The following SNX2 variants were observed in gnomAD, a reference collection of about 807,000 sequenced individuals.
SNX2 encodes the protein sorting nexin 2, also known as sorting nexin-2.
SNX2 carries 25 observed loss-of-function variants against 69.9 expected under a neutral mutation model. The ratio of observed to expected loss-of-function variants is 0.36; its 90% CI spans 0.26 to 0.50. The LOEUF (loss-of-function observed/expected upper bound fraction) is 0.50, where lower values mean the gene tolerates loss of function less well. Ranked by LOEUF, SNX2 falls within the 20% of genes least tolerant of loss-of-function variation. SNX2 has a pLI of 0.97. For missense variants in SNX2, 551 were observed against 613.3 expected (o/e 0.90, Z 1.07); for synonymous variants, 229 against 200.4 (o/e 1.14, Z -1.20).
intron 1 of SNX2, 162 bp downstream of exon 1, chr5:122,775,373 C>G: frequency 7.4e-7 from 1 of 1,348,280 alleles, no homozygotes. Flanking sequence ...GAGGGATGTG[C>G]TTGGGCTGAG....
At chr5:122,801,741 G>A in intron 3 of SNX2, 128 bp from the exon 4 acceptor site, 2 of 503,506 alleles carry the variant, frequency 4.0e-6, no homozygotes, top group Admixed American at 7.1e-5. Flanking sequence ...TTTCAAAAAT[G>A]AAGTGCTGGG....
At chr5:122,818,498 C>A (rs78129570) in intron 10 of SNX2, among the ~76,000 whole-genome samples, 2,266 of 152,152 alleles carry the variant, frequency 0.015, 22 homozygotes, top group Non-Finnish European at 0.019. Flanking sequence ...AAATATATTT[C>A]ATTTTTAGGA....
chr5:122,806,148 A>G (rs957695476), intron 6 of SNX2, among the ~76,000 whole-genome samples: 12 of 77,726 alleles, frequency 1.5e-4, no homozygotes, highest in East Asian at 8.2e-4. Flanking sequence ...GCGCGCACAC[A>G]CACACACACA....
chr5:122,777,187 C>T (rs1752875119), intron 1 of SNX2, among the ~76,000 whole-genome samples: 2 of 152,164 alleles, frequency 1.3e-5, no homozygotes, highest in South Asian at 2.1e-4. Context: ...CCACAGTATT[C>T]ATCTTTAAAA....
intron 1 of SNX2, among the ~76,000 whole-genome samples, chr5:122,777,923 A>G (rs1403278404): frequency 3.3e-5 from 5 of 152,248 alleles, no homozygotes; most frequent in African/African-American, 1.2e-4. Flanking sequence ...CTAGAACACT[A>G]GAATTTATTC....
At chr5:122,780,731 G>A (rs796368134) in intron 1 of SNX2, among the ~76,000 whole-genome samples, 34 of 151,840 alleles carry the variant, frequency 2.2e-4, no homozygotes, top group African/African-American at 7.0e-4. Flanking sequence ...CACCATGCCC[G>A]GCTAATTTTT....
At chr5:122,801,819 A>C in intron 3 of SNX2, 50 bp from the exon 4 acceptor site, 1 of 1,150,108 alleles carries the variant, frequency 8.7e-7, no homozygotes, top group Non-Finnish European at 1.3e-6. Context: ...TGTCATGACA[A>C]TAATTTAAAT....
At chr5:122,800,931 C>T (rs1753492629) in intron 3 of SNX2, among the ~76,000 whole-genome samples, 1 of 152,140 alleles carries the variant, frequency 6.6e-6, no homozygotes, top group Admixed American at 6.5e-5. Flanking sequence ...TTTTTAATGG[C>T]ATTTACAAGG....
rs1754245449 is a variant in SNX2, at chr5:122,829,848, C to G, written c.*200C>G. The G allele has an allele frequency of 5.1e-6, 3 of 584,506 alleles. No homozygotes were observed. Among genetic ancestry groups the G allele is most frequent in the East Asian group, 5.8e-5 (2 of 34,456 alleles). The allele number at this position is 584,506 out of a possible 1,614,324, so 36.2% of individuals were successfully genotyped here. On this transcript the variant is annotated 3_prime_UTR_variant, in exon 15 of 15. Transcript: ENST00000379516. ...ATTACAAGCTGCATGTCCTGACCCT[C>G]TTTGAATTAAGTGGACTGTGGCATG...
intron 6 of SNX2, among the ~76,000 whole-genome samples, chr5:122,806,142 G>GCGCGCGCGCACACACACACACACACACA: frequency 4.6e-5 from 6 of 130,656 alleles, no homozygotes; most frequent in Admixed American, 1.5e-4. Flanking sequence ...ACACGCGCGC[G>GCGCGCGCGCACACACACACACACACACA]CACACACACA....
intron 1 of SNX2, among the ~76,000 whole-genome samples, chr5:122,778,832 G>A (rs557595463): frequency 3.6e-4 from 54 of 152,074 alleles, no homozygotes; most frequent in African/African-American, 1.3e-3. Flanking sequence ...ATTAATAACA[G>A]CCACATAAAG....
In SNX2 at chr5:122,803,570, T is replaced by C. The variant is rs1261439861; in HGVS notation, c.600T>C (p.His200=). ...LHSKLASKYL[H]VGYIVPPAPE... ...GCAAATTAGCAAGCAAATATTTACA[T>C]GTTGGTTATATTGTGCCACCAGCTC... The change falls in exon 6 of 15, where the codon CAT becomes CAC. Residue 200 remains histidine, a synonymous_variant. Coordinates refer to ENST00000379516, the MANE Select transcript of SNX2 (RefSeq NM_003100.4). The C allele has an allele frequency of 3.1e-6, 5 of 1,611,842 alleles. No individual in the cohort carries two copies. Among genetic ancestry groups the C allele is most frequent in the South Asian group, 1.1e-5 (1 of 90,464 alleles).
chr5:122,826,558 T>A (rs1277510291), intron 12 of SNX2: 1 of 463,658 alleles, frequency 2.2e-6, no homozygotes, highest in African/African-American at 2.1e-5. Flanking sequence ...CCCCCATATA[T>A]ATGTATTATA....
At chr5:122,816,038 C>A in intron 8 of SNX2, 67 bp downstream of exon 8, 1 of 760,594 alleles carries the variant, frequency 1.3e-6, no homozygotes, top group Non-Finnish European at 2.1e-6. Flanking sequence ...ATGTATATGA[C>A]TATATATAGT....
chr5:122,810,297 C>T (rs925545215), intron 7 of SNX2, among the ~76,000 whole-genome samples: 8 of 149,060 alleles, frequency 5.4e-5, no homozygotes, highest in Admixed American at 2.7e-4. Context: ...CTAGGAAAAC[C>T]AGAGACCTTT....
At position 122,818,944 on chromosome 5, in the gene SNX2, A is replaced by G; in HGVS notation, c.1133A>G (p.His378Arg). The change falls in exon 11 of 15, where the codon CAT becomes CGT. Residue 378 changes from histidine to arginine, a missense_variant. Coordinates refer to ENST00000379516, the MANE Select transcript of SNX2 (RefSeq NM_003100.4). ...AEVEEKIDQL[H>R]QEQAFADFYM... ...GTTGAGGAGAAGATAGACCAGTTAC[A>G]TCAAGAACAAGCTTTTGCTGACTTT... 1 of 1,614,002 alleles carries G rather than the reference A, an allele frequency of 6.2e-7. No homozygotes were observed. The highest frequency in any genetic ancestry group is 1.1e-5 in the South Asian group (1 of 91,072).
At chr5:122,815,344 G>A (rs2150013854) in intron 7 of SNX2, among the ~76,000 whole-genome samples, 1 of 152,270 alleles carries the variant, frequency 6.6e-6, no homozygotes, top group South Asian at 2.1e-4. Flanking sequence ...GAAGAGGTAT[G>A]GGGAAAATAC....
intron 1 of SNX2, among the ~76,000 whole-genome samples, chr5:122,779,037 C>T (rs1306958086): frequency 6.6e-6 from 1 of 152,090 alleles, no homozygotes; most frequent in Non-Finnish European, 1.5e-5. Context: ...TGGTGCAACC[C>T]TAAGCTTAAT....
intron 6 of SNX2, among the ~76,000 whole-genome samples, chr5:122,805,621 T>C (rs1042038978): frequency 2.0e-5 from 3 of 152,114 alleles, no homozygotes; most frequent in African/African-American, 7.2e-5. Context: ...TTTGTAGGGA[T>C]GGTTCAATCC....
Sources: allele counts gnomAD v4.1 joint callset (sites outside exome capture counted in the v4.1 genomes callset), GRCh38; gene constraint gnomAD v4.1.1; transcripts MANE v1.5; gene names NCBI Gene and HGNC (gene_info 2026-07-23, HGNC 2026-07-21).